The following LAMC3 variants were observed in gnomAD, a reference collection of about 807,000 sequenced individuals.
LAMC3 encodes laminin subunit gamma-3.
LAMC3 carries 128 observed loss-of-function variants against 173.8 expected under a neutral mutation model. The ratio of observed to expected loss-of-function variants is 0.74; its 90% CI spans 0.64 to 0.85. The LOEUF (loss-of-function observed/expected upper bound fraction) is 0.85, where lower values mean the gene tolerates loss of function less well. Ranked by LOEUF, LAMC3 falls within the 40% of genes least tolerant of loss-of-function variation. The pLI is 0.00. For missense variants in LAMC3, 2,022 were observed against 2,156.0 expected, an observed-to-expected ratio of 0.94 and a Z score of 1.23; for synonymous variants, 897 against 909.1, an observed-to-expected ratio of 0.99 and a Z score of 0.24.
At chr9:131,089,352 T>C (rs1359565267) in intron 27 of LAMC3, among the ~76,000 whole-genome samples, 1 of 151,952 alleles carries the variant, frequency 6.6e-6, no homozygotes, top group African/African-American at 2.4e-5. Context: ...GGGGACCTCA[T>C]ATAACTGGAA....
intron 1 of LAMC3, among the ~76,000 whole-genome samples, chr9:131,014,072 C>G (rs1357947879): frequency 6.6e-6 from 1 of 152,218 alleles, no homozygotes; most frequent in Non-Finnish European, 1.5e-5. Flanking sequence ...CCCTCCAGGC[C>G]CCTGGGCCCA....
chr9:131,073,769 C>T lies in LAMC3; in HGVS notation c.3494+448C>T, dbSNP rs1273197510. Among the ~76,000 whole-genome samples the T allele has an allele frequency of 3.9e-5, 6 of 152,152 alleles. No individual in the cohort carries two copies. The South Asian group carries it at 8.3e-4, about 21-fold the overall frequency. ...CATCCCAAAAACAAACCCCTGGACC[C>T]ATCTGCCATCAGCCCCCGTTTCTCC... On this transcript the variant is annotated intron_variant, in intron 20 of 27. Transcript: ENST00000361069.
At chr9:131,059,172 G>C (rs563956783) in intron 12 of LAMC3, among the ~76,000 whole-genome samples, 32 of 150,760 alleles carry the variant, frequency 2.1e-4, no homozygotes, top group Non-Finnish European at 4.1e-4. Flanking sequence ...CTCTGGCCTG[G>C]GCGACAGAGT....
chr9:131,030,520 G>A (rs1833806071), intron 2 of LAMC3, among the ~76,000 whole-genome samples: 1 of 152,188 alleles, frequency 6.6e-6, no homozygotes, highest in Non-Finnish European at 1.5e-5. Flanking sequence ...GGATCAGATA[G>A]ACCAGAATCC....
intron 23 of LAMC3, 40 bp downstream of exon 23, chr9:131,079,338 T>C: frequency 3.1e-6 from 5 of 1,611,984 alleles, no homozygotes; most frequent in Non-Finnish European, 4.2e-6. Context: ...CTGGGAGAGG[T>C]TGGGGCTACC....
intron 21 of LAMC3, among the ~76,000 whole-genome samples, chr9:131,076,481 G>T (rs1471286846): frequency 6.6e-6 from 1 of 151,936 alleles, no homozygotes; most frequent in Non-Finnish European, 1.5e-5. Context: ...AATGGGATTG[G>T]CTCCGCTTAG....
intron 8 of LAMC3, among the ~76,000 whole-genome samples, chr9:131,047,257 C>G (rs780846547): frequency 2.4e-5 from 1 of 41,070 alleles, no homozygotes; most frequent in Admixed American, 1.8e-4. Flanking sequence ...CTCCGCCTCC[C>G]AGGTTCAAGT....
chr9:131,049,201 T>C (rs1834236641), intron 9 of LAMC3, 71 bp downstream of exon 9: 6 of 868,434 alleles, frequency 6.9e-6, no homozygotes, highest in Admixed American at 4.0e-5. Flanking sequence ...ACTTGCCGCA[T>C]ATTAGAGGCT....
intron 1 of LAMC3, among the ~76,000 whole-genome samples, chr9:131,015,345 T>C (rs1833501337): frequency 6.6e-6 from 1 of 152,052 alleles, no homozygotes; most frequent in Non-Finnish European, 1.5e-5. Context: ...AGCCCAACCC[T>C]GCCCTGCCCT....
intron 13 of LAMC3, among the ~76,000 whole-genome samples, chr9:131,064,998 G>GCCA (rs1462387085): frequency 2.9e-5 from 4 of 140,000 alleles, no homozygotes; most frequent in African/African-American, 1.1e-4. Context: ...CCGAGATGGT[G>GCCA]CCATTGCACT....
At position 131,076,453 on chromosome 9, in the gene LAMC3, G is replaced by A. The variant is rs544323749; in HGVS notation, c.3629+488G>A. The stretch of plus-strand genomic sequence containing the variant: ...CTTGAGCCCCTTGACATTCCTAAAC[G>A]AGACATTCCTAAACGAGAATGGGAT... On this transcript the variant is annotated intron_variant, in intron 21 of 27. Coordinates refer to ENST00000361069, the MANE Select transcript of LAMC3 (RefSeq NM_006059.4). Among the ~76,000 whole-genome samples, 19 of 152,230 alleles carry A rather than the reference G, an allele frequency of 1.2e-4. 1 individual carries two copies. The South Asian group carries it at 3.5e-3, about 28-fold the overall frequency.
In LAMC3 at chr9:131,077,320, T is replaced by C; in HGVS notation, c.3763T>C (p.Ser1255Pro). The change falls in exon 22 of 28, where the codon TCC becomes CCC. Residue 1255 changes from serine to proline, a missense_variant. Coordinates refer to ENST00000361069, the MANE Select transcript of LAMC3 (RefSeq NM_006059.4). ...DTAPYLALLA[S>P]PGALPQKSRA... ...AGCCCCGTACCTGGCCTTGCTGGCT[T>C]CCCCGGGAGCTCTGGTCAGCTCAGT... The C allele has an allele frequency of 1.2e-6, 2 of 1,613,902 alleles. No homozygotes were observed. The highest frequency in any genetic ancestry group is 1.7e-6 in the Non-Finnish European group (2 of 1,180,030).
At chr9:131,063,812 G>A (rs552065455) in intron 13 of LAMC3, among the ~76,000 whole-genome samples, 1 of 152,260 alleles carries the variant, frequency 6.6e-6, no homozygotes, top group East Asian at 1.9e-4. Flanking sequence ...GAATCCACAA[G>A]GCAGGTGCTA....
At chr9:131,050,865 G>C (rs548575893) in intron 9 of LAMC3, among the ~76,000 whole-genome samples, 1 of 152,194 alleles carries the variant, frequency 6.6e-6, no homozygotes, top group Non-Finnish European at 1.5e-5. Context: ...TGATGCGGCC[G>C]GTTGTGGAAC....
chr9:131,045,955 G>GTCTTGGTGT (rs1834146927), intron 8 of LAMC3, among the ~76,000 whole-genome samples: 1 of 152,172 alleles, frequency 6.6e-6, no homozygotes, highest in Non-Finnish European at 1.5e-5. Flanking sequence ...CGTTGAGACT[G>GTCTTGGTGT]GCCTCCCTTG....
intron 13 of LAMC3, among the ~76,000 whole-genome samples, chr9:131,062,970 T>A (rs1238725408): frequency 6.6e-6 from 1 of 152,196 alleles, no homozygotes; most frequent in Non-Finnish European, 1.5e-5. Flanking sequence ...ATTTGACTGC[T>A]CCCAGTATTC....
chr9:131,045,447 C>A, intron 7 of LAMC3, 77 bp from the exon 8 acceptor site: 1 of 1,544,538 alleles, frequency 6.5e-7, no homozygotes, highest in Non-Finnish European at 8.9e-7. Context: ...CTCATTGGTC[C>A]AGCTGGGATA....
At chr9:131,070,492 C>T (rs548809662) in intron 17 of LAMC3, among the ~76,000 whole-genome samples, 12 of 152,138 alleles carry the variant, frequency 7.9e-5, no homozygotes, top group South Asian at 4.2e-4. Flanking sequence ...GCGGGCAGAT[C>T]GTGAGGTCAG....
intron 14 of LAMC3, 46 bp from the exon 15 acceptor site, chr9:131,068,032 G>C: frequency 6.2e-7 from 1 of 1,600,270 alleles, no homozygotes; most frequent in Non-Finnish European, 8.5e-7. Flanking sequence ...AGTTGGAACA[G>C]ACAATCTGCA....
Sources: gnomAD v4.1 joint callset for allele counts (sites outside exome capture counted in the v4.1 genomes callset) on GRCh38, gnomAD v4.1.1 for gene constraint, MANE v1.5 for transcripts, NCBI Gene and HGNC (gene_info 2026-07-23, HGNC 2026-07-21) for gene names.